The following PDE6A variants were observed in gnomAD, a reference collection of about 807,000 sequenced individuals.
PDE6A encodes the protein rod cGMP-specific 3',5'-cyclic phosphodiesterase subunit alpha.
PDE6A carries 84 observed loss-of-function variants against 106.3 expected under a neutral mutation model. The ratio of observed to expected loss-of-function variants is 0.79; its 90% CI spans 0.66 to 0.95. The LOEUF is 0.95. Among genes scored for constraint, PDE6A ranks in the 40% least tolerant of loss-of-function variants. PDE6A has a pLI of 0.00. For missense variants in PDE6A, 1,052 were observed against 1,084.9 expected (o/e 0.97, Z 0.43); for synonymous variants, 394 against 386.6 (o/e 1.02, Z -0.23).
In PDE6A at chr5:149,931,044, T is replaced by C. The variant is rs746049342; in HGVS notation, c.842A>G (p.Asp281Gly). ...TTTTCTCACCTTCTGCTTGGTCATGTCTAAGAGACCCACAGAGTATCTGTC... is the reference window on the plus strand; with the variant it reads ...TTTTCTCACCTTCTGCTTGGTCATGCCTAAGAGACCCACAGAGTATCTGTC... Reference protein sequence around the residue: ...NCDRYSVGLLDMTKQKEFFDV... With the variant: ...NCDRYSVGLLGMTKQKEFFDV... Residue 281 changes from aspartate to glycine, a missense_variant, in exon 4 of 22, where the codon GAC becomes GGC. By Grantham distance (94) the Asp-to-Gly change is moderately conservative (BLOSUM62 -1). Around this residue, in one of 3 missense-constraint regions of PDE6A, gnomAD observed 913 missense variants for 915.2 expected, o/e 1.00. Coordinates refer to ENST00000255266, the MANE Select transcript of PDE6A (RefSeq NM_000440.3). The C allele has an allele frequency of 3.1e-6, 5 of 1,614,044 alleles. No individual in the cohort carries two copies. Among genetic ancestry groups the C allele is most frequent in the Non-Finnish European group, 3.4e-6 (4 of 1,180,016 alleles).
intron 4 of PDE6A, among the ~76,000 whole-genome samples, chr5:149,930,476 G>A (rs994386271): frequency 6.6e-6 from 1 of 152,224 alleles, no homozygotes; most frequent in Non-Finnish European, 1.5e-5. Context: ...AAAGAGAAAT[G>A]AGGAAGTTGT....
At chr5:149,865,239 C>G (rs74388357) in intron 20 of PDE6A, among the ~76,000 whole-genome samples, 1 of 105,560 alleles carries the variant, frequency 9.5e-6, no homozygotes, top group African/African-American at 3.5e-5. Flanking sequence ...GATTCTGTCT[C>G]AAAAAAAAAA....
chr5:149,941,611 T>C (rs1049288961), intron 1 of PDE6A, among the ~76,000 whole-genome samples: 11 of 152,222 alleles, frequency 7.2e-5, no homozygotes, highest in Non-Finnish European at 8.8e-5. Flanking sequence ...ACACATCACC[T>C]CTGTGCTGCT....
chr5:149,867,602 C>T, intron 19 of PDE6A, 123 bp downstream of exon 19: 1 of 863,026 alleles, frequency 1.2e-6, no homozygotes, highest in Non-Finnish European at 1.9e-6. Flanking sequence ...TTTAGAACCA[C>T]TGCATTAGGA....
intron 4 of PDE6A, among the ~76,000 whole-genome samples, chr5:149,922,205 T>G (rs1420738066): frequency 6.6e-6 from 1 of 152,136 alleles, no homozygotes; most frequent in Non-Finnish European, 1.5e-5. Context: ...GATACACTGA[T>G]AAGTGACAAA....
chr5:149,896,353 C>T lies in PDE6A; in HGVS notation c.1620+3G>A. On this transcript the variant is annotated splice_donor_region_variant and intron_variant, in intron 12 of 21. Coordinates refer to ENST00000255266, the MANE Select transcript of PDE6A (RefSeq NM_000440.3). ...AAATCATATATATTTGTTTTGACCT[C>T]ACCTCTTGTGGAATGTGAAATTTAT... 4 of 1,611,190 alleles carry T rather than the reference C, an allele frequency of 2.5e-6. No individual in the cohort carries two copies. Among genetic ancestry groups the T allele is most frequent in the East Asian group, 2.2e-5 (1 of 44,872 alleles).
In PDE6A at chr5:149,886,327, C is replaced by T. The variant is rs1752302695; in HGVS notation, c.1776G>A (p.Met592Ile). Residue 592 changes from methionine (M) to isoleucine (I), a missense_variant, in exon 14 of 22, where the codon ATG (methionine) becomes ATA (isoleucine). By Grantham distance (10) the Met-to-Ile change is conservative. Transcript: ENST00000255266. ...TGTCATGGCAGAAAGCAGCAGTGAC[C>T]ATGGCCAAGGCCTCTAGGTCCGTGA... ...RYFTDLEALA[M>I]VTAAFCHDID... The T allele has an allele frequency of 6.2e-7, 1 of 1,614,200 alleles. No individual in the cohort carries two copies. Among genetic ancestry groups the T allele is most frequent in the Non-Finnish European group, 8.5e-7 (1 of 1,180,036 alleles).
intron 17 of PDE6A, among the ~76,000 whole-genome samples, chr5:149,876,739 C>T (rs139015933): frequency 6.6e-6 from 1 of 152,274 alleles, no homozygotes; most frequent in Non-Finnish European, 1.5e-5. Context: ...CCTCTGAGCT[C>T]AGGCAATCTG....
At chr5:149,871,499 G>A (rs1282253026) in intron 17 of PDE6A, among the ~76,000 whole-genome samples, 1 of 152,000 alleles carries the variant, frequency 6.6e-6, no homozygotes, top group Admixed American at 6.5e-5. Context: ...CCATTTACTT[G>A]CTAAAGAAGG....
At chr5:149,926,454 A>G (rs1753865663) in intron 4 of PDE6A, among the ~76,000 whole-genome samples, 1 of 152,172 alleles carries the variant, frequency 6.6e-6, no homozygotes, top group African/African-American at 2.4e-5. Context: ...ATGAATACTC[A>G]CATTACTTCA....
At chr5:149,919,645 TTAAAG>T (rs1203131991) in intron 5 of PDE6A, among the ~76,000 whole-genome samples, 9 of 152,204 alleles carry the variant, frequency 5.9e-5, no homozygotes, top group African/African-American at 1.7e-4. Context: ...GTCAAAGTCT[TTAAAG>T]CCATATTCAT....
At chr5:149,900,371 A>ATATGTG (rs1385106639) in intron 8 of PDE6A, among the ~76,000 whole-genome samples, 1 of 93,812 alleles carries the variant, frequency 1.1e-5, no homozygotes, top group African/African-American at 5.8e-5. Flanking sequence ...CGAAAAATAT[A>ATATGTG]TATGTATATA....
chr5:149,932,022 C>T, intron 3 of PDE6A: 2 of 1,501,968 alleles, frequency 1.3e-6, no homozygotes, highest in South Asian at 2.3e-5. Context: ...GCGGCAAAAC[C>T]AGAGCCAGCT....
At chr5:149,906,519 CAAAAAAA>C (rs560905491) in intron 7 of PDE6A, among the ~76,000 whole-genome samples, 1 of 54,204 alleles carries the variant, frequency 1.8e-5, no homozygotes, top group Non-Finnish European at 4.0e-5. Flanking sequence ...GAGACACTGT[CAAAAAAA>C]AAAAAAAAAA....
chr5:149,903,590 G>A (rs1354735364), intron 8 of PDE6A, 58 bp downstream of exon 8: 2 of 1,305,804 alleles, frequency 1.5e-6, no homozygotes, highest in Non-Finnish European at 2.2e-6. Context: ...GTATTCTAAT[G>A]CTCTTTGGGG....
chr5:149,924,958 C>T (rs891040185), intron 4 of PDE6A, among the ~76,000 whole-genome samples: 11 of 152,108 alleles, frequency 7.2e-5, no homozygotes, highest in South Asian at 2.1e-4. Flanking sequence ...GGGATCCTCA[C>T]GCCCCAAGAA....
Position 149,931,096 on chromosome 5 carries a change from A to T in PDE6A, c.790T>A (p.Tyr264Asn), listed in dbSNP as rs1471556920. Residue 264 changes from tyrosine to asparagine, a missense_variant, in exon 4 of 22, where the codon TAC becomes AAC. This residue lies in a region of PDE6A where 913 missense variants were observed against 915.2 expected (regional missense o/e 1.00). Coordinates refer to ENST00000255266, the MANE Select transcript of PDE6A (RefSeq NM_000440.3). ...DIERQFHKAL[Y>N]TVRAFLNCDR... ...CAGTTGAGGAAAGCACGGACTGTGT[A>T]CAGGGCTTTGTGGAACTGTCGTTCG... The T allele has an allele frequency of 1.2e-6, 2 of 1,613,890 alleles. No individual in the cohort carries two copies. Among genetic ancestry groups the T allele is most frequent in the Non-Finnish European group, 1.7e-6 (2 of 1,179,836 alleles).
At chr5:149,896,294 T>A (rs1752745799) in intron 12 of PDE6A, 62 bp downstream of exon 12, 9 of 1,413,192 alleles carry the variant, frequency 6.4e-6, no homozygotes, top group Non-Finnish European at 9.0e-6. Context: ...TGAGTCTTTT[T>A]TTTAAAGCAA....
At chr5:149,927,216 A>C (rs1304250400) in intron 4 of PDE6A, among the ~76,000 whole-genome samples, 1 of 152,174 alleles carries the variant, frequency 6.6e-6, no homozygotes, top group Non-Finnish European at 1.5e-5. Flanking sequence ...TAAAAGTTTA[A>C]GAATCATACA....
Sources: gnomAD v4.1 joint callset for allele counts (sites outside exome capture counted in the v4.1 genomes callset) on GRCh38, gnomAD v4.1.1 for gene constraint, gnomAD v4.1.1 regional missense constraint, MANE v1.5 for transcripts, NCBI Gene and HGNC (gene_info 2026-07-23, HGNC 2026-07-21) for gene names.